AUTS2: variants seen among roughly 807,000 people sequenced by gnomAD.
The protein encoded by AUTS2 is autism susceptibility gene 2 protein.
In AUTS2, 17 loss-of-function variants were observed where a neutral mutation model predicts 112.4. The observed-to-expected ratio is 0.15, with a 90% CI of 0.10 to 0.23. The LOEUF (loss-of-function observed/expected upper bound fraction) is 0.23, where lower values mean the gene tolerates loss of function less well. AUTS2 is among the 10% of genes least tolerant of loss of function. The pLI is 1.00. For missense variants in AUTS2, 1,510 were observed against 1,701.6 expected, an observed-to-expected ratio of 0.89 and a Z score of 1.98; for synonymous variants, 751 against 702.7, an observed-to-expected ratio of 1.07 and a Z score of -1.09.
Position 70,039,903 on chromosome 7 carries a change from T to C in AUTS2, c.523-78229T>C, listed in dbSNP as rs1352575335. ...CAGTCTTGCTGGGTACAGAGAAACA[T>C]ACATTCATTCAAACATCATCTCTTC... is the stretch of plus-strand genomic sequence containing the variant. On this transcript the variant is annotated intron_variant, in intron 2 of 18. Transcript: ENST00000342771. Among the ~76,000 whole-genome samples the C allele has an allele frequency of 3.3e-5, 5 of 152,196 alleles. No homozygotes were observed. The East Asian group carries it at 9.6e-4, about 29-fold the overall frequency.
rs1266018094 is a variant in AUTS2, at chr7:70,163,349, G to T, written c.660+28778G>T. On this transcript the variant is annotated intron_variant, in intron 4 of 18. Coordinates refer to ENST00000342771, the MANE Select transcript of AUTS2 (RefSeq NM_015570.4). ...TGAGTGTTAGGTTGTGGTGGTGGGGGGGGGGGGGGCAGAGGGGGAGGGAGA... is the reference window on the plus strand; with the variant it reads ...TGAGTGTTAGGTTGTGGTGGTGGGGTGGGGGGGGGCAGAGGGGGAGGGAGA... Among the ~76,000 whole-genome samples the T allele has an allele frequency of 7.6e-5, 8 of 105,920 alleles. No homozygotes were observed. In the East Asian group the frequency reaches 1.6e-3, roughly 21 times the overall value. The allele number at this position is 105,920 out of a possible 152,430, so 69.5% of individuals were successfully genotyped here.
intron 1 of AUTS2, among the ~76,000 whole-genome samples, chr7:69,606,207 G>A (rs1468587801): frequency 3.3e-5 from 5 of 152,158 alleles, no homozygotes; most frequent in Non-Finnish European, 7.4e-5. Context: ...AGTGTTGAGG[G>A]TGATAGATTC....
At chr7:69,857,238 GTGCGCTGCA>G (rs1562931280) in intron 1 of AUTS2, among the ~76,000 whole-genome samples, 1 of 152,120 alleles carries the variant, frequency 6.6e-6, no homozygotes, top group Non-Finnish European at 1.5e-5. Context: ...CCCTGCTCTT[GTGCGCTGCA>G]TTGAAACAAA....
chr7:69,820,240 A>G (rs1005627747), intron 1 of AUTS2, among the ~76,000 whole-genome samples: 3 of 152,214 alleles, frequency 2.0e-5, no homozygotes, highest in African/African-American at 7.2e-5. Flanking sequence ...GAATCCCCCA[A>G]CACTTACTCT....
chr7:69,835,667 A>T (rs1791691033), intron 1 of AUTS2, among the ~76,000 whole-genome samples: 1 of 152,210 alleles, frequency 6.6e-6, no homozygotes, highest in Non-Finnish European at 1.5e-5. Flanking sequence ...GAGGAAGAAT[A>T]ATTTCAGTGA....
Position 70,058,432 on chromosome 7 carries a change from A to G in AUTS2, c.523-59700A>G, listed in dbSNP as rs148681711. 4.2e-3 allele frequency among the ~76,000 whole-genome samples: 643 copies of G among 152,256 alleles called. 8 individuals are homozygous for G. Among genetic ancestry groups the G allele is most frequent in the African/African-American group, 0.015 (603 of 41,572 alleles). On this transcript the variant is annotated intron_variant, in intron 2 of 18. Coordinates refer to ENST00000342771, the MANE Select transcript of AUTS2 (RefSeq NM_015570.4). ...TATGAAATGGGAAAGTTAGGTTTCC[A>G]TGTACCCCCCCGCTACGCATAGCAT...
chr7:70,162,300 G>T (rs1808120984), intron 4 of AUTS2, among the ~76,000 whole-genome samples: 1 of 150,260 alleles, frequency 6.7e-6, no homozygotes, highest in South Asian at 2.1e-4. Context: ...CAAAAAATTA[G>T]CCGGGCGTAG....
chr7:70,183,010 G>A (rs573379877), intron 4 of AUTS2, among the ~76,000 whole-genome samples: 33 of 152,188 alleles, frequency 2.2e-4, no homozygotes, highest in South Asian at 1.7e-3. Context: ...CTGTGTCCGC[G>A]TTTCCATTTT....
At chr7:70,545,551 G>C (rs1156601035) in intron 5 of AUTS2, among the ~76,000 whole-genome samples, 1 of 152,242 alleles carries the variant, frequency 6.6e-6, no homozygotes, top group African/African-American at 2.4e-5. Context: ...TCACCCTTCT[G>C]TGGATGAGCA....
Position 69,651,624 on chromosome 7 carries a change from A to C in AUTS2, c.309+51662A>C, listed in dbSNP as rs61192553. 6.4e-3 allele frequency among the ~76,000 whole-genome samples: 977 copies of C among 152,348 alleles called. 10 individuals carry two copies. The highest frequency in any genetic ancestry group is 0.023 in the African/African-American group (950 of 41,578). On this transcript the variant is annotated intron_variant, in intron 1 of 18. Transcript: ENST00000342771. ...AAACCTCTTCATCTCATGATAGACT[A>C]GCAACTAGAGGTTCAGAGAAGTTAC... is the stretch of plus-strand genomic sequence containing the variant.
At chr7:69,969,860 A>G (rs943985227) in intron 2 of AUTS2, among the ~76,000 whole-genome samples, 3 of 152,178 alleles carry the variant, frequency 2.0e-5, no homozygotes. Context: ...CCAAAACTAT[A>G]AGAAAATACA....
chr7:70,646,191 G>T (rs2129541227), intron 5 of AUTS2, among the ~76,000 whole-genome samples: 1 of 152,316 alleles, frequency 6.6e-6, no homozygotes, highest in Non-Finnish European at 1.5e-5. Context: ...TCAGAGCTCA[G>T]TGCGACTCCT....
In AUTS2 at chr7:70,726,009, G is replaced by A. The variant is rs147646442; in HGVS notation, c.742+27389G>A. Among the ~76,000 whole-genome samples, 105 of 147,772 alleles carry A rather than the reference G, an allele frequency of 7.1e-4. 2 individuals are homozygous for A. The East Asian group carries it at 0.019, about 27-fold the overall frequency. ...TGCACTCCAGCCTGGGGGACAGAGT[G>A]AGACTCCATTTCAAAAAAAAAAAAA... On this transcript the variant is annotated intron_variant, in intron 6 of 18. Coordinates refer to ENST00000342771, the MANE Select transcript of AUTS2 (RefSeq NM_015570.4).
Position 69,694,746 on chromosome 7 carries a change from C to T in AUTS2, c.309+94784C>T, listed in dbSNP as rs112309976. 4.3e-3 allele frequency among the ~76,000 whole-genome samples: 650 copies of T among 152,240 alleles called. 6 individuals are homozygous for T. The highest frequency in any genetic ancestry group is 0.015 in the African/African-American group (614 of 41,540). The stretch of plus-strand genomic sequence containing the variant: ...AAAAGAAGTAATTATAGTTGTAATG[C>T]GGACCCTCAAAGTTGAAAGTAGATT... On this transcript the variant is annotated intron_variant, in intron 1 of 18. Coordinates refer to ENST00000342771, the MANE Select transcript of AUTS2 (RefSeq NM_015570.4).
intron 4 of AUTS2, among the ~76,000 whole-genome samples, chr7:70,248,882 C>A (rs940943555): frequency 2.0e-5 from 3 of 152,210 alleles, no homozygotes; most frequent in Non-Finnish European, 4.4e-5. Context: ...ATACACCCAG[C>A]AGATGATATT....
At chr7:69,612,727 G>A (rs1422726716) in intron 1 of AUTS2, among the ~76,000 whole-genome samples, 1 of 152,156 alleles carries the variant, frequency 6.6e-6, no homozygotes, top group Non-Finnish European at 1.5e-5. Context: ...AAAGTGCTGG[G>A]ATTATAGGCA....
In AUTS2 at chr7:70,422,285, C is replaced by A. The variant is rs143787152; in HGVS notation, c.661-13467C>A. Among the ~76,000 whole-genome samples the A allele has an allele frequency of 5.3e-5, 8 of 152,300 alleles. No homozygotes were observed. In the East Asian group the frequency reaches 1.4e-3, roughly 26 times the overall value. Reference sequence around the variant, plus strand: ...GAAGTTGATAATGTGGCCATTATGTCTTAGCAATATGAGAGCACCATTGTC... The same window carrying A: ...GAAGTTGATAATGTGGCCATTATGTATTAGCAATATGAGAGCACCATTGTC... On this transcript the variant is annotated intron_variant, in intron 4 of 18. Transcript: ENST00000342771.
intron 1 of AUTS2, among the ~76,000 whole-genome samples, chr7:69,728,616 G>A (rs570556173): frequency 9.6e-4 from 146 of 151,336 alleles, no homozygotes; most frequent in African/African-American, 3.3e-3. Flanking sequence ...AAAAAGTTAC[G>A]CTCAAGTAAT....
intron 2 of AUTS2, among the ~76,000 whole-genome samples, chr7:70,016,763 G>A (rs533786055): frequency 9.4e-4 from 142 of 151,562 alleles, no homozygotes; most frequent in African/African-American, 3.2e-3. Flanking sequence ...CACCTCCCCA[G>A]CTCAAGCAGT....
Sources: gnomAD v4.1 joint callset for allele counts (sites outside exome capture counted in the v4.1 genomes callset) on GRCh38, gnomAD v4.1.1 for gene constraint, MANE v1.5 for transcripts, NCBI Gene and HGNC (gene_info 2026-07-23, HGNC 2026-07-21) for gene names.